Variants in VPS37B observed in about 807,000 individuals in gnomAD.
The protein encoded by VPS37B is VPS37B subunit of ESCRT-I, also known as vacuolar protein sorting-associated protein 37B.
In VPS37B, 11 loss-of-function variants were observed where a neutral mutation model predicts 21.2. The ratio of observed to expected loss-of-function variants is 0.52; its 90% CI spans 0.33 to 0.86. The LOEUF is 0.86. Ranked by LOEUF, VPS37B falls within the 40% of genes least tolerant of loss-of-function variation. The pLI, the probability that VPS37B is intolerant of heterozygous loss-of-function variation, is 0.03. For synonymous variants in VPS37B, 175 were observed against 159.6 expected, an observed-to-expected ratio of 1.10 and a Z score of -0.73; for missense variants, 389 against 374.8, an observed-to-expected ratio of 1.04 and a Z score of -0.31.
chr12:122,886,197 TA>T (rs2034324627), intron 1 of VPS37B: 1 of 152,206 alleles, frequency 6.6e-6, no homozygotes, highest in Non-Finnish European at 1.5e-5. Context: ...CTCCCCTAAA[TA>T]AGCATTTGCC....
At position 122,866,065 on chromosome 12, in the gene VPS37B, A is replaced by T. The variant is rs372468083; in HGVS notation, c.*1051T>A. The T allele has an allele frequency of 1.3e-5, 2 of 152,616 alleles. No homozygotes were observed. Among genetic ancestry groups the T allele is most frequent in the African/African-American group, 4.8e-5 (2 of 41,452 alleles). 9.5% of individuals were successfully genotyped at this position (152,616 alleles called of 1,614,324 possible). A position where few individuals can be genotyped will look rare whatever the true frequency, so the allele number is the denominator to read the frequency against. On this transcript the variant is annotated 3_prime_UTR_variant, in exon 4 of 4. Transcript: ENST00000267202. ...GGGTAGCCTGGGTCAAGGCGGCCGG[A>T]CGTCTTGACCACCTGTAACAGGGCA...
In VPS37B at chr12:122,867,638, C is replaced by G. The variant is rs1427472204; in HGVS notation, c.367-31G>C. ...AGAGGCAGAAACCTGGTTACAGGGA[C>G]AGCCAGATGGGGAGGATGCTCCCTT... is the stretch of plus-strand genomic sequence containing the variant. On this transcript the variant is annotated intron_variant, in intron 3 of 3. Transcript: ENST00000267202. The surrounding 1 kb of genome is among the most constrained non-coding windows in gnomAD (Gnocchi z 5.5). 7 of 1,606,358 alleles carry G rather than the reference C, an allele frequency of 4.4e-6. No homozygotes were observed. The African/African-American group carries it at 5.3e-5, about 12-fold the overall frequency.
In VPS37B at chr12:122,867,557, A is replaced by G; in HGVS notation, c.417T>C (p.Ile139=). 6.2e-7 allele frequency: 1 copy of G among 1,614,004 alleles called. No homozygotes were observed. Among genetic ancestry groups the G allele is most frequent in the Non-Finnish European group, 8.5e-7 (1 of 1,180,032 alleles). Residue 139 remains isoleucine (I), a synonymous_variant, in exon 4 of 4, where the codon ATT becomes ATC. Transcript: ENST00000267202. The surrounding 1 kb of genome is among the most constrained non-coding windows in gnomAD (Gnocchi z 5.5). The stretch of plus-strand genomic sequence containing the variant: ...GTTTCCGTTTGCTCTGATAGACATC[A>G]ATGAAGGAATCCAGAGGAAGTTCTC... ...LDGELPLDSF[I]DVYQSKRKLA...
intron 1 of VPS37B, chr12:122,883,258 AACAG>A (rs888713581): frequency 4.6e-5 from 7 of 152,356 alleles, no homozygotes; most frequent in Admixed American, 2.0e-4. Flanking sequence ...CTCGAAAAGG[AACAG>A]ACAGTGAGAT....
In VPS37B at chr12:122,867,092, T is replaced by C. The variant is rs775074332; in HGVS notation, c.*24A>G. The C allele has an allele frequency of 1.3e-6, 2 of 1,499,772 alleles. No homozygotes were observed. Among genetic ancestry groups the C allele is most frequent in the Admixed American group, 5.0e-5 (2 of 40,374 alleles). 92.9% of individuals were successfully genotyped at this position (1,499,772 alleles called of 1,614,324 possible). On this transcript the variant is annotated 3_prime_UTR_variant, in exon 4 of 4. Transcript: ENST00000267202. The surrounding 1 kb of genome is among the most constrained non-coding windows in gnomAD (Gnocchi z 5.5). Reference sequence around the variant, plus strand: ...CACAACACGCCAGGTGGAAGAAGTCTCCCGGGAAGGACCGCGCCGGCGCTC... The same window carrying C: ...CACAACACGCCAGGTGGAAGAAGTCCCCCGGGAAGGACCGCGCCGGCGCTC...
In VPS37B at chr12:122,867,161, G is replaced by A. The variant is rs371075794; in HGVS notation, c.813C>T (p.Pro271=). 6.4e-7 allele frequency: 1 copy of A among 1,553,394 alleles called. No homozygotes were observed. Among genetic ancestry groups the A allele is most frequent in the Non-Finnish European group, 8.7e-7 (1 of 1,155,790 alleles). The part of the protein sequence containing the change: ...SPYPPPLPQR[P]PPRLPPHQPG... ...GCTGGTGTGGAGGGAGCCGGGGCGG[G>A]GGTCTCTGAGGGAGAGGTGGCGGAT... is the stretch of plus-strand genomic sequence containing the variant. Residue 271 remains proline, a synonymous_variant, in exon 4 of 4, where the codon CCC becomes CCT. Coordinates refer to ENST00000267202, the MANE Select transcript of VPS37B (RefSeq NM_024667.3). The surrounding 1 kb of genome is among the most constrained non-coding windows in gnomAD (Gnocchi z 5.5).
chr12:122,867,712 C>T lies in VPS37B; in HGVS notation c.367-105G>A. ...CAACGCCCAGCTGCTTCCAACACTG[C>T]CCCCTCCCTGTAACCACCCAGAGGG... On this transcript the variant is annotated intron_variant, in intron 3 of 3. Coordinates refer to ENST00000267202, the MANE Select transcript of VPS37B (RefSeq NM_024667.3). This position sits in a 1 kb window ranked among gnomAD's most constrained non-coding sequence, Gnocchi z 5.5. 1.3e-6 allele frequency: 2 copies of T among 1,495,136 alleles called. No individual in the cohort carries two copies. The highest frequency in any genetic ancestry group is 1.8e-6 in the Non-Finnish European group (2 of 1,098,090). 92.6% of individuals were successfully genotyped at this position (1,495,136 alleles called of 1,614,324 possible).
chr12:122,896,065 C>A lies in VPS37B; in HGVS notation c.-3G>T. 6.3e-7 allele frequency: 1 copy of A among 1,576,886 alleles called. No individual in the cohort carries two copies. Among genetic ancestry groups the A allele is most frequent in the Non-Finnish European group, 8.6e-7 (1 of 1,168,192 alleles). ...GCTTCGCTCCCGGCGCCCGCCATCC[C>A]CACGTCTCGGCCGTCGTCGCCACCG... On this transcript the variant is annotated 5_prime_UTR_variant, in exon 1 of 4. Transcript: ENST00000267202.
chr12:122,869,741 C>A (rs536311188), intron 2 of VPS37B, among the ~76,000 whole-genome samples: 1 of 152,298 alleles, frequency 6.6e-6, no homozygotes, highest in African/African-American at 2.4e-5. Flanking sequence ...CCACCCCCAG[C>A]TTATTTCACT....
chr12:122,867,243 G>T lies in VPS37B; in HGVS notation c.731C>A (p.Pro244His). 1 of 1,569,202 alleles carries T rather than the reference G, an allele frequency of 6.4e-7. No homozygotes were observed. The highest frequency in any genetic ancestry group is 1.4e-5 in the African/African-American group (1 of 73,484). The change falls in exon 4 of 4, where the codon CCC (proline) becomes CAC (histidine). Residue 244 changes from proline (P) to histidine (H), a missense_variant. Pro to His is a moderately conservative substitution (Grantham distance 77). Coordinates refer to ENST00000267202, the MANE Select transcript of VPS37B (RefSeq NM_024667.3). The surrounding 1 kb of genome is among the most constrained non-coding windows in gnomAD (Gnocchi z 5.5). ...PYPGLQCPPL[P>H]PRVGLPTQQG... Reference sequence around the variant, plus strand: ...CTGAGTGGGGAGGCCCACGCGGGGGGGCAGGGGCGGGCACTGTAATCCTGG... The same window carrying T: ...CTGAGTGGGGAGGCCCACGCGGGGGTGCAGGGGCGGGCACTGTAATCCTGG...
At chr12:122,895,049 T>A (rs2034470539) in intron 1 of VPS37B, among the ~76,000 whole-genome samples, 1 of 151,974 alleles carries the variant, frequency 6.6e-6, no homozygotes. Flanking sequence ...CTTAGGCCCA[T>A]CCACGAACTC....
intron 1 of VPS37B, chr12:122,873,436 C>T (rs2034076707): frequency 6.6e-6 from 1 of 152,238 alleles, no homozygotes; most frequent in Non-Finnish European, 1.5e-5. Context: ...GCCTCGCGCT[C>T]CTGCTCCCAG....
At chr12:122,871,747 G>T in intron 1 of VPS37B, 1 of 974,680 alleles carries the variant, frequency 1.0e-6, no homozygotes, top group Non-Finnish European at 1.2e-6. Context: ...TACCCTGGTA[G>T]GTAGAGAAGA....
chr12:122,870,114 T>C (rs940141617), intron 2 of VPS37B: 5 of 151,000 alleles, frequency 3.3e-5, no homozygotes, highest in African/African-American at 1.2e-4. Context: ...ATCTGTTTAA[T>C]ATCATAATTC....
intron 1 of VPS37B, chr12:122,885,671 ATTATTATTATTTTTTTT>A (rs2034311165): frequency 1.0e-5 from 1 of 96,056 alleles, no homozygotes; most frequent in East Asian, 3.0e-4. Flanking sequence ...GTAAAACATT[ATTATTATTATTTTTTTT>A]TTTTTTTTTT....
chr12:122,878,008 G>A (rs1289863881), intron 1 of VPS37B: 1 of 152,208 alleles, frequency 6.6e-6, no homozygotes, highest in Non-Finnish European at 1.5e-5. Context: ...ACAGGAAGGT[G>A]AGGTTCCTTT....
chr12:122,885,377 T>C (rs1485031600), intron 1 of VPS37B: 2 of 152,104 alleles, frequency 1.3e-5, no homozygotes, highest in Non-Finnish European at 2.9e-5. Context: ...AATAAAGGAA[T>C]GGTTATATAA....
Position 122,872,255 on chromosome 12 carries a change from C to G in VPS37B, c.112-1194G>C, listed in dbSNP as rs1229636910. On this transcript the variant is annotated intron_variant, in intron 1 of 3. Transcript: ENST00000267202. ...GGAAGAGCCTCAGGGAATCAGAGAACAAAGAAAGAAGCCCTTGGATCCATG... is the reference window on the plus strand; with the variant it reads ...GGAAGAGCCTCAGGGAATCAGAGAAGAAAGAAAGAAGCCCTTGGATCCATG... 9 of 985,294 alleles carry G rather than the reference C, an allele frequency of 9.1e-6. No individual in the cohort carries two copies. The Admixed American group carries it at 2.5e-4, about 27-fold the overall frequency. 61.0% of individuals were successfully genotyped at this position (985,294 alleles called of 1,614,324 possible).
Position 122,896,055 on chromosome 12 carries a change from C to T in VPS37B, c.8G>A (p.Gly3Asp). Residue 3 changes from glycine (G) to aspartate (D), a missense_variant, in exon 1 of 4, where the codon GGC (glycine) becomes GAC (aspartate). Coordinates refer to ENST00000267202, the MANE Select transcript of VPS37B (RefSeq NM_024667.3). ...GGCGAACCGGGCTTCGCTCCCGGCG[C>T]CCGCCATCCCCACGTCTCGGCCGTC... Reference protein sequence around the residue: MAGAGSEARFAGL... With the variant: MADAGSEARFAGL... The T allele has an allele frequency of 6.3e-7, 1 of 1,580,724 alleles. No individual in the cohort carries two copies. Among genetic ancestry groups the T allele is most frequent in the Non-Finnish European group, 8.5e-7 (1 of 1,169,592 alleles).
Sources: allele counts gnomAD v4.1 joint callset (sites outside exome capture counted in the v4.1 genomes callset), GRCh38; gene constraint gnomAD v4.1.1; non-coding constraint Gnocchi (gnomAD v3.1); transcripts MANE v1.5; gene names NCBI Gene and HGNC (gene_info 2026-07-23, HGNC 2026-07-21).